GSN: variants seen among roughly 807,000 people sequenced by gnomAD.
The protein encoded by GSN is actin-depolymerizing factor.
GSN carries 56 observed loss-of-function variants against 85.7 expected under a neutral mutation model. That is an observed-to-expected ratio of 0.65 (90% confidence interval 0.53 to 0.82). The LOEUF (loss-of-function observed/expected upper bound fraction) is 0.82, where lower values mean the gene tolerates loss of function less well. Ranked by LOEUF, GSN falls within the 40% of genes least tolerant of loss-of-function variation. The pLI, the probability that GSN is intolerant of heterozygous loss-of-function variation, is 0.00. For synonymous variants in GSN, 373 were observed against 399.1 expected, an observed-to-expected ratio of 0.93 and a Z score of 0.78; for missense variants, 857 against 979.8, an observed-to-expected ratio of 0.87 and a Z score of 1.67.
chr9:121,206,150 C>G (rs182043458), upstream of GSN, among the ~76,000 whole-genome samples: 39 of 152,108 alleles, frequency 2.6e-4, no homozygotes, highest in Admixed American at 1.0e-3. Context: ...CATGTGTGTT[C>G]TACCTAATTT....
chr9:121,305,145 A>G (rs1254711490), intron 4 of GSN, among the ~76,000 whole-genome samples: 2 of 152,238 alleles, frequency 1.3e-5, no homozygotes, highest in Non-Finnish European at 2.9e-5. Context: ...AGAGCAGGTC[A>G]TAGGCTCCCG....
intron 4 of GSN, among the ~76,000 whole-genome samples, chr9:121,228,481 T>C (rs1193439593): frequency 1.4e-5 from 2 of 141,332 alleles, no homozygotes; most frequent in Non-Finnish European, 3.0e-5. Context: ...TTACCCAGAC[T>C]GGAGTGCAGT....
At chr9:121,236,703 G>A (rs965984538) in intron 5 of GSN, among the ~76,000 whole-genome samples, 7 of 152,178 alleles carry the variant, frequency 4.6e-5, no homozygotes, top group African/African-American at 1.7e-4. Flanking sequence ...CAGTCAATAA[G>A]GCACAACTGC....
chr9:121,269,947 G>A (rs1380638522), intron 1 of GSN, among the ~76,000 whole-genome samples: 1 of 152,210 alleles, frequency 6.6e-6, no homozygotes, highest in Non-Finnish European at 1.5e-5. Context: ...AGCCTTGGAA[G>A]AGGACAGAGC....
At chr9:121,287,121 CT>C (rs2058197913) in intron 2 of GSN, among the ~76,000 whole-genome samples, 3 of 152,180 alleles carry the variant, frequency 2.0e-5, no homozygotes, top group Non-Finnish European at 4.4e-5. Flanking sequence ...TCTTGGCCCC[CT>C]GGGCCTATTC....
intron 1 of GSN, among the ~76,000 whole-genome samples, chr9:121,273,737 A>AT (rs1369869728): frequency 6.6e-6 from 1 of 152,118 alleles, no homozygotes; most frequent in Non-Finnish European, 1.5e-5. Flanking sequence ...TTTAAATTTA[A>AT]TTTTTAAAAG....
chr9:121,222,033 A>C (rs1349671438), intron 4 of GSN, among the ~76,000 whole-genome samples: 1 of 152,152 alleles, frequency 6.6e-6, no homozygotes, highest in African/African-American at 2.4e-5. Context: ...CTCCCATCCC[A>C]AAGGACTGGT....
intron 2 of GSN, 154 bp downstream of exon 2, chr9:121,281,716 C>A (rs747388120): frequency 2.1e-6 from 1 of 471,082 alleles, no homozygotes; most frequent in Non-Finnish European, 4.4e-6. Flanking sequence ...GCTCAGAGTG[C>A]GTCTCTGCTC....
Position 121,314,014 on chromosome 9 carries a change from G to A in GSN, c.744G>A (p.Lys248=), listed in dbSNP as rs765705498. The change falls in exon 7 of 18, where the codon AAG becomes AAA. Residue 248 remains lysine, a synonymous_variant. Transcript: ENST00000432226. ...KEDAANRKLA[K]LYKVSNGAGT... The stretch of plus-strand genomic sequence containing the variant: ...ATGCGGCCAACCGCAAGCTGGCCAA[G>A]CTCTACAAGGTGAGCACCAGATGCA... The A allele has an allele frequency of 6.2e-7, 1 of 1,613,278 alleles. No homozygotes were observed. Among genetic ancestry groups the A allele is most frequent in the South Asian group, 1.1e-5 (1 of 91,076 alleles).
chr9:121,332,012 C>T lies in GSN; in HGVS notation c.2027-422C>T, dbSNP rs146467427. 3.6e-3 allele frequency: 893 copies of T among 249,530 alleles called. 10 individuals are homozygous for T. The highest frequency in any genetic ancestry group is 3.9e-3 in the Non-Finnish European group (490 of 125,772). The allele number at this position is 249,530 out of a possible 1,614,324, so 15.5% of individuals were successfully genotyped here. On this transcript the variant is annotated intron_variant, in intron 17 of 17. Coordinates refer to ENST00000432226, the MANE Select transcript of GSN (RefSeq NM_198252.3). The surrounding 1 kb of genome is among the most constrained non-coding windows in gnomAD (Gnocchi z 4.8). ...TCACGGCTGCTGTGAGCCATGATCGCACCACTATACTGTAGCCTGGGTGAC... is the reference window on the plus strand; with the variant it reads ...TCACGGCTGCTGTGAGCCATGATCGTACCACTATACTGTAGCCTGGGTGAC...
At chr9:121,280,094 G>A (rs768130655) in intron 1 of GSN, 1 of 152,236 alleles carries the variant, frequency 6.6e-6, no homozygotes, top group Non-Finnish European at 1.5e-5. Flanking sequence ...CTTAATCCCA[G>A]GAGCCTGCAC....
chr9:121,246,166 T>A (rs2054695326), intron 5 of GSN, among the ~76,000 whole-genome samples: 1 of 152,194 alleles, frequency 6.6e-6, no homozygotes, highest in Non-Finnish European at 1.5e-5. Context: ...AGGATGAGTA[T>A]TTAGTGGCAA....
chr9:121,332,748 C>A lies in GSN; in HGVS notation c.*145C>A. On this transcript the variant is annotated 3_prime_UTR_variant, in exon 18 of 18. Coordinates refer to ENST00000432226, the MANE Select transcript of GSN (RefSeq NM_198252.3). The surrounding 1 kb of genome is among the most constrained non-coding windows in gnomAD (Gnocchi z 4.8). ...TTCTTTTTTTTTTTTTTACAGTATC[C>A]AAAAATAGCCCTGCAAAAATTCAGA... The A allele has an allele frequency of 3.2e-6, 2 of 625,910 alleles. No homozygotes were observed. Among genetic ancestry groups the A allele is most frequent in the South Asian group, 2.0e-5 (1 of 48,878 alleles). 38.8% of individuals were successfully genotyped at this position (625,910 alleles called of 1,614,324 possible). A position where few individuals can be genotyped will look rare whatever the true frequency, so the allele number is the denominator to read the frequency against.
At chr9:121,286,665 A>G (rs1301136256) in intron 2 of GSN, 3 of 1,534,898 alleles carry the variant, frequency 2.0e-6, no homozygotes, top group Non-Finnish European at 2.6e-6. Context: ...CCGGGAAGTC[A>G]GAGAAAGAAA....
intron 5 of GSN, among the ~76,000 whole-genome samples, chr9:121,245,577 T>C (rs1002811443): frequency 7.9e-5 from 12 of 151,922 alleles, no homozygotes; most frequent in Non-Finnish European, 7.4e-5. Flanking sequence ...CCCAGGCTGG[T>C]CTCAAACTCC....
chr9:121,298,329 G>A (rs553146550), intron 2 of GSN, among the ~76,000 whole-genome samples: 1 of 152,312 alleles, frequency 6.6e-6, no homozygotes, highest in African/African-American at 2.4e-5. Flanking sequence ...TTCAAGGCCT[G>A]GGTCACAAGT....
rs57419831 is a variant in GSN at position 121,324,751 on chromosome 9, GTCCATCCATCCA to G, written c.1416+141_1416+152del. 1.8e-3 allele frequency: 1,241 copies of G among 679,510 alleles called. 9 individuals are homozygous for G. The highest frequency in any genetic ancestry group is 7.4e-3 in the African/African-American group (416 of 56,368). The allele number at this position is 679,510 out of a possible 1,614,324, so 42.1% of individuals were successfully genotyped here. A position where few individuals can be genotyped will look rare whatever the true frequency, so the allele number is the denominator to read the frequency against. ...CATTCGTTTGTCCATCTGTCTGTCT[GTCCATCCATCCA>G]TCCATCCATCCATCCATCCATCCAT... On this transcript the variant is annotated intron_variant, in intron 12 of 17. Coordinates refer to ENST00000432226, the MANE Select transcript of GSN (RefSeq NM_198252.3).
chr9:121,263,131 C>T (rs2055121332), upstream of GSN, among the ~76,000 whole-genome samples: 1 of 152,124 alleles, frequency 6.6e-6, no homozygotes, highest in South Asian at 2.1e-4. Context: ...AAATGTTAAA[C>T]GAAAGGCTCT....
At chr9:121,240,675 C>T (rs2132194781) in intron 5 of GSN, among the ~76,000 whole-genome samples, 1 of 152,222 alleles carries the variant, frequency 6.6e-6, no homozygotes, top group African/African-American at 2.4e-5. Context: ...GACGGACAAT[C>T]CTGCTAGGGC....
Sources: allele counts gnomAD v4.1 joint callset (sites outside exome capture counted in the v4.1 genomes callset), GRCh38; gene constraint gnomAD v4.1.1; non-coding constraint Gnocchi (gnomAD v3.1); transcripts MANE v1.5; gene names NCBI Gene and HGNC (gene_info 2026-07-23, HGNC 2026-07-21).